Variants in CAMSAP2 observed in about 807,000 individuals in gnomAD.
CAMSAP2 encodes the protein calmodulin-regulated spectrin-associated protein 2.
A neutral mutation model predicts 146.1 loss-of-function variants in CAMSAP2; 26 were observed. The ratio of observed to expected loss-of-function variants is 0.18; its 90% CI spans 0.13 to 0.25. CAMSAP2 has a LOEUF of 0.25. CAMSAP2 is among the 10% of genes least tolerant of loss of function. The pLI, the probability that CAMSAP2 is intolerant of heterozygous loss-of-function variation, is 1.00. For missense variants in CAMSAP2, 1,381 were observed against 1,759.3 expected, an observed-to-expected ratio of 0.78 and a Z score of 3.85; for synonymous variants, 499 against 596.6, an observed-to-expected ratio of 0.84 and a Z score of 2.38.
At position 200,844,851 on chromosome 1, in the gene CAMSAP2, G is replaced by T; in HGVS notation, c.1091G>T (p.Ser364Ile). The change falls in exon 8 of 17, where the codon AGT becomes ATT. Residue 364 changes from serine to isoleucine, a missense_variant. Transcript: ENST00000358823. ...NAAKRNVLDS[S>I]SDFPSSGEGA... is the part of the protein sequence containing the mutation. ...GCCAAAAGAAATGTCTTAGATAGTAGTTCTGACTTCCCTTCAAGGTAAACT... is the reference window on the plus strand; with the variant it reads ...GCCAAAAGAAATGTCTTAGATAGTATTTCTGACTTCCCTTCAAGGTAAACT... 1 of 1,584,316 alleles carries T rather than the reference G, an allele frequency of 6.3e-7. No homozygotes were observed. Among genetic ancestry groups the T allele is most frequent in the East Asian group, 2.3e-5 (1 of 43,176 alleles).
At chr1:200,852,471 C>T (rs1241079452) in intron 11 of CAMSAP2, 70 bp from the exon 12 acceptor site, 37 of 1,539,382 alleles carry the variant, frequency 2.4e-5, no homozygotes, top group Non-Finnish European at 3.1e-5. Flanking sequence ...CAAAATGTGA[C>T]TACAACAATT....
intron 4 of CAMSAP2, among the ~76,000 whole-genome samples, chr1:200,816,838 A>ATG (rs1297617439): frequency 1.2e-5 from 1 of 80,190 alleles, no homozygotes; most frequent in African/African-American, 5.1e-5. Flanking sequence ...ACGCGTGTGT[A>ATG]TGTGTGTACA....
intron 3 of CAMSAP2, 30 bp from the exon 4 acceptor site, chr1:200,815,528 TAAA>T (rs1429909547): frequency 8.6e-7 from 1 of 1,159,914 alleles, no homozygotes; most frequent in Non-Finnish European, 1.2e-6. Context: ...AAAAAAAGAA[TAAA>T]AATTCAAACT....
chr1:200,783,982 T>C (rs911386505), intron 2 of CAMSAP2, among the ~76,000 whole-genome samples: 1 of 152,186 alleles, frequency 6.6e-6, no homozygotes, highest in Admixed American at 6.5e-5. Context: ...CATTTAGAAC[T>C]ATGATTCATT....
chr1:200,771,174 G>A (rs1395004800), intron 2 of CAMSAP2, among the ~76,000 whole-genome samples: 4 of 152,018 alleles, frequency 2.6e-5, no homozygotes, highest in African/African-American at 9.7e-5. Flanking sequence ...GGGAGAAAAG[G>A]GGATTGTTTT....
chr1:200,779,053 G>A, intron 2 of CAMSAP2, among the ~76,000 whole-genome samples: 1 of 152,164 alleles, frequency 6.6e-6, no homozygotes, highest in East Asian at 1.9e-4. Flanking sequence ...TAGAGTTAGG[G>A]CTGGAGGAGC....
chr1:200,773,277 A>G (rs1276575217), intron 2 of CAMSAP2, among the ~76,000 whole-genome samples: 1 of 152,072 alleles, frequency 6.6e-6, no homozygotes, highest in Non-Finnish European at 1.5e-5. Flanking sequence ...TTATTTTGAG[A>G]CAGTCTCCCT....
intron 1 of CAMSAP2, among the ~76,000 whole-genome samples, chr1:200,747,165 T>C (rs1047131842): frequency 2.1e-4 from 32 of 152,058 alleles, no homozygotes; most frequent in Admixed American, 1.7e-3. Flanking sequence ...TCCCAAAGTG[T>C]TGGGATTACC....
intron 2 of CAMSAP2, among the ~76,000 whole-genome samples, chr1:200,797,923 T>C (rs1236045451): frequency 3.3e-5 from 5 of 151,958 alleles, no homozygotes; most frequent in Non-Finnish European, 7.4e-5. Flanking sequence ...ATTTATTAAA[T>C]AGGGAATCCT....
At chr1:200,753,037 G>A (rs1330644368) in intron 1 of CAMSAP2, among the ~76,000 whole-genome samples, 2 of 151,876 alleles carry the variant, frequency 1.3e-5, no homozygotes, top group South Asian at 2.1e-4. Flanking sequence ...GCTCACCCCT[G>A]TAATCCCAGC....
chr1:200,809,965 A>G (rs1401839758), intron 3 of CAMSAP2, among the ~76,000 whole-genome samples: 1 of 152,260 alleles, frequency 6.6e-6, no homozygotes, highest in East Asian at 1.9e-4. Flanking sequence ...GCTGCTAGTG[A>G]TAGCCCGTTG....
At position 200,760,864 on chromosome 1, in the gene CAMSAP2, A is replaced by G; in HGVS notation, c.165A>G (p.Glu55=). 1 of 1,583,040 alleles carries G rather than the reference A, an allele frequency of 6.3e-7. No individual in the cohort carries two copies. The highest frequency in any genetic ancestry group is 8.6e-7 in the Non-Finnish European group (1 of 1,162,098). Residue 55 remains glutamate, a synonymous_variant, in exon 2 of 17, where the codon GAA becomes GAG. Coordinates refer to ENST00000358823, the MANE Select transcript of CAMSAP2 (RefSeq NM_203459.4). ...AAAATGTGCCAGAGGAACTTCAAGA[A>G]CCATTTTACACAGATCAGTATGACC... ...GTENVPEELQ[E]PFYTDQYDQE...
intron 11 of CAMSAP2, among the ~76,000 whole-genome samples, chr1:200,850,776 T>C (rs1667599443): frequency 6.6e-6 from 1 of 152,246 alleles, no homozygotes; most frequent in South Asian, 2.1e-4. Context: ...TTACAGCTTC[T>C]TGACTGGGCT....
chr1:200,847,344 GGAAAT>G, intron 9 of CAMSAP2, 52 bp downstream of exon 9: 1 of 1,234,022 alleles, frequency 8.1e-7, no homozygotes, highest in Non-Finnish European at 1.2e-6. Flanking sequence ...AGGTTACCTG[GGAAAT>G]GATTGACAGT....
chr1:200,848,616 C>T lies in CAMSAP2; in HGVS notation c.1847C>T (p.Ser616Leu). 6.2e-7 allele frequency: 1 copy of T among 1,614,120 alleles called. No homozygotes were observed. Among genetic ancestry groups the T allele is most frequent in the Admixed American group, 1.7e-5 (1 of 60,018 alleles). Residue 616 changes from serine (S) to leucine (L), a missense_variant, in exon 11 of 17, where the codon TCA becomes TTA. Physicochemically the swap from Ser to Leu is moderately radical, Grantham distance 145 (BLOSUM62 -2). Around this residue, in one of 4 missense-constraint regions of CAMSAP2, gnomAD observed 447 missense variants for 462.2 expected, o/e 0.97. Coordinates refer to ENST00000358823, the MANE Select transcript of CAMSAP2 (RefSeq NM_203459.4). ...GTAGACACTGGAATTCACGTTCCTT[C>T]AGAAGATATTCCTGAAACTATGGAC... ...TEVDTGIHVP[S>L]EDIPETMDED...
At chr1:200,822,135 G>A (rs112788838) in intron 4 of CAMSAP2, among the ~76,000 whole-genome samples, 123 of 118,910 alleles carry the variant, frequency 1.0e-3, no homozygotes, top group Non-Finnish European at 1.6e-3. Context: ...TCTCTCTCTC[G>A]CTCTACACAC....
At chr1:200,841,410 C>T (rs1332972441) in intron 6 of CAMSAP2, among the ~76,000 whole-genome samples, 2 of 152,140 alleles carry the variant, frequency 1.3e-5, no homozygotes, top group African/African-American at 4.8e-5. Flanking sequence ...CCACACCCGG[C>T]TAGTTTTTTG....
chr1:200,821,808 A>AT (rs889541125), intron 4 of CAMSAP2, among the ~76,000 whole-genome samples: 2 of 152,098 alleles, frequency 1.3e-5, no homozygotes, highest in African/African-American at 4.8e-5. Context: ...CATTTTAAAC[A>AT]TTTTTTTGAA....
intron 4 of CAMSAP2, among the ~76,000 whole-genome samples, chr1:200,825,546 AC>A (rs1666883585): frequency 7.1e-6 from 1 of 141,658 alleles, no homozygotes; most frequent in Non-Finnish European, 1.5e-5. Flanking sequence ...TTGCTCTGCC[AC>A]CCAGGCTGGA....
Sources: gnomAD v4.1 joint callset for allele counts (sites outside exome capture counted in the v4.1 genomes callset) on GRCh38, gnomAD v4.1.1 for gene constraint, gnomAD v4.1.1 regional missense constraint, MANE v1.5 for transcripts, NCBI Gene and HGNC (gene_info 2026-07-23, HGNC 2026-07-21) for gene names.